The following ZBTB20 variants were observed in gnomAD, a reference collection of about 807,000 sequenced individuals.
ZBTB20 encodes the protein zinc finger and BTB domain containing 20, also known as zinc finger and BTB domain-containing protein 20.
A neutral mutation model predicts 56.9 loss-of-function variants in ZBTB20; 9 were observed. The ratio of observed to expected loss-of-function variants is 0.16; its 90% CI spans 0.10 to 0.28. The LOEUF is 0.28. Ranked by LOEUF, ZBTB20 falls within the 10% of genes least tolerant of loss-of-function variation. The pLI is 1.00. For missense variants in ZBTB20, 655 were observed against 1,003.0 expected, an observed-to-expected ratio of 0.65 and a Z score of 4.69; for synonymous variants, 417 against 420.7, an observed-to-expected ratio of 0.99 and a Z score of 0.11.
chr3:114,824,932 T>G (rs2073445959), intron 4 of ZBTB20, among the ~76,000 whole-genome samples: 2 of 151,988 alleles, frequency 1.3e-5, no homozygotes, highest in Admixed American at 1.3e-4. Context: ...TTTTATTAAT[T>G]GAATTAATTT....
intron 5 of ZBTB20, among the ~76,000 whole-genome samples, chr3:114,720,755 T>C (rs1465923726): frequency 6.6e-6 from 1 of 152,188 alleles, no homozygotes; most frequent in Admixed American, 6.5e-5. Context: ...CTATGTTTGA[T>C]TTTCTTTGAT....
intron 7 of ZBTB20, among the ~76,000 whole-genome samples, chr3:114,471,729 C>CTCCT (rs1442252189): frequency 6.6e-6 from 1 of 152,176 alleles, no homozygotes; most frequent in Non-Finnish European, 1.5e-5. Context: ...GGAGATATAA[C>CTCCT]TGAGGACTCT....
At chr3:115,134,210 T>C (rs182002755) in intron 1 of ZBTB20, among the ~76,000 whole-genome samples, 255 of 152,342 alleles carry the variant, frequency 1.7e-3, no homozygotes, top group African/African-American at 5.9e-3. Context: ...AAATATTTCC[T>C]TTTCATTGCT....
intron 3 of ZBTB20, among the ~76,000 whole-genome samples, chr3:114,951,130 C>G (rs2077052532): frequency 1.3e-5 from 2 of 152,094 alleles, no homozygotes; most frequent in African/African-American, 4.8e-5. Flanking sequence ...TGAAAATTCA[C>G]TTACCTATAT....
chr3:114,366,122 G>A (rs1396330116), intron 10 of ZBTB20, among the ~76,000 whole-genome samples: 1 of 152,070 alleles, frequency 6.6e-6, no homozygotes, highest in African/African-American at 2.4e-5. Context: ...CAGTGGACAA[G>A]GTAAACAAGA....
intron 2 of ZBTB20, among the ~76,000 whole-genome samples, chr3:114,976,745 T>C (rs2078118601): frequency 6.6e-6 from 1 of 152,164 alleles, no homozygotes; most frequent in Admixed American, 6.5e-5. Flanking sequence ...CTTTTTATTA[T>C]ATTGCTAATA....
chr3:114,323,736 T>A lies in ZBTB20; in HGVS notation c.*15269A>T, dbSNP rs2078974297. 1 of 152,212 alleles carries A rather than the reference T, an allele frequency of 6.6e-6. No individual in the cohort carries two copies. The highest frequency in any genetic ancestry group is 1.5e-5 in the Non-Finnish European group (1 of 68,050). The allele number at this position is 152,212 out of a possible 1,614,324, so 9.4% of individuals were successfully genotyped here. On this transcript the variant is annotated 3_prime_UTR_variant, in exon 12 of 12. Coordinates refer to ENST00000675478, the MANE Select transcript of ZBTB20 (RefSeq NM_001348800.3). ...AGCTTCTTTACAGTAAGAAAACAGA[T>A]CCTATCAGCATGGTGGTTCCTAGGC...
chr3:114,490,831 T>TAACAA (rs1326561569), intron 7 of ZBTB20, among the ~76,000 whole-genome samples: 5 of 151,730 alleles, frequency 3.3e-5, no homozygotes, highest in African/African-American at 1.2e-4. Flanking sequence ...AGAAAGTAAA[T>TAACAA]AACAAAACAA....
intron 4 of ZBTB20, among the ~76,000 whole-genome samples, chr3:114,887,748 G>T (rs995840730): frequency 6.6e-6 from 1 of 152,094 alleles, no homozygotes; most frequent in Non-Finnish European, 1.5e-5. Flanking sequence ...AAGTCACCCA[G>T]TTTATCATAA....
chr3:114,977,613 T>G (rs2078156587), intron 2 of ZBTB20, among the ~76,000 whole-genome samples: 1 of 152,116 alleles, frequency 6.6e-6, no homozygotes, highest in African/African-American at 2.4e-5. Context: ...AATTCTGTTC[T>G]CTAATTCTTA....
intron 7 of ZBTB20, among the ~76,000 whole-genome samples, chr3:114,450,513 C>G (rs2091538996): frequency 6.6e-6 from 1 of 152,072 alleles, no homozygotes; most frequent in South Asian, 2.1e-4. Context: ...TCACCTCTGG[C>G]TATGATAAGG....
intron 3 of ZBTB20, among the ~76,000 whole-genome samples, chr3:114,932,343 T>C (rs1181165606): frequency 6.6e-6 from 1 of 152,268 alleles, no homozygotes; most frequent in Non-Finnish European, 1.5e-5. Context: ...CAACAAAATC[T>C]TGTCTTTGAT....
rs72943866 is a variant in ZBTB20, at chr3:115,059,709, A to G, written c.-507+11510T>C. Among the ~76,000 whole-genome samples, 892 of 152,206 alleles carry G rather than the reference A, an allele frequency of 5.9e-3. 10 individuals are homozygous for G. The highest frequency in any genetic ancestry group is 0.021 in the African/African-American group (865 of 41,530). On this transcript the variant is annotated intron_variant, in intron 2 of 11. Transcript: ENST00000675478. ...CTCATCTCCCTGAATTTCAATTTCT[A>G]TCTCCTAATCTCAGTGTGATCACTG...
intron 7 of ZBTB20, among the ~76,000 whole-genome samples, chr3:114,400,807 C>T (rs533314330): frequency 6.6e-6 from 1 of 152,018 alleles, no homozygotes; most frequent in East Asian, 1.9e-4. Context: ...CAAAAAGGAT[C>T]CAGAATTAGC....
At chr3:114,981,297 C>A (rs537947854) in intron 2 of ZBTB20, among the ~76,000 whole-genome samples, 1 of 151,940 alleles carries the variant, frequency 6.6e-6, no homozygotes, top group Non-Finnish European at 1.5e-5. Context: ...TAATAATGAG[C>A]TATTTTGTTA....
chr3:114,474,990 A>G (rs1042225402), intron 7 of ZBTB20, among the ~76,000 whole-genome samples: 1 of 152,076 alleles, frequency 6.6e-6, no homozygotes, highest in African/African-American at 2.4e-5. Context: ...CTCCTACTAA[A>G]AACTTTCAAT....
At chr3:114,403,180 G>A (rs2086974109) in intron 7 of ZBTB20, among the ~76,000 whole-genome samples, 1 of 151,926 alleles carries the variant, frequency 6.6e-6, no homozygotes, top group African/African-American at 2.4e-5. Flanking sequence ...TGCTTTTTTC[G>A]ACCTCTTTAA....
At chr3:114,714,674 A>G (rs1463480948) in intron 5 of ZBTB20, among the ~76,000 whole-genome samples, 1 of 152,220 alleles carries the variant, frequency 6.6e-6, no homozygotes, top group Non-Finnish European at 1.5e-5. Flanking sequence ...GACATTATAC[A>G]AGGTGCAGGC....
At chr3:114,416,874 G>T (rs973642030) in intron 7 of ZBTB20, among the ~76,000 whole-genome samples, 4 of 152,000 alleles carry the variant, frequency 2.6e-5, no homozygotes, top group African/African-American at 9.7e-5. Context: ...TTTCAAATAT[G>T]TTTGAAGAAT....
Sources: gnomAD v4.1 joint callset for allele counts (sites outside exome capture counted in the v4.1 genomes callset) on GRCh38, gnomAD v4.1.1 for gene constraint, MANE v1.5 for transcripts, NCBI Gene and HGNC (gene_info 2026-07-23, HGNC 2026-07-21) for gene names.